FER: variants seen among roughly 807,000 people sequenced by gnomAD.
FER encodes FER tyrosine kinase.
Under a neutral mutation model 111.0 loss-of-function variants are expected in FER, and 63 were observed. The ratio of observed to expected loss-of-function variants is 0.57; its 90% CI spans 0.46 to 0.70. The LOEUF (loss-of-function observed/expected upper bound fraction) is 0.70. Ranked by LOEUF, FER falls within the 30% of genes least tolerant of loss-of-function variation. FER has a pLI of 0.00. For missense variants in FER, 914 were observed against 954.0 expected, an observed-to-expected ratio of 0.96 and a Z score of 0.55; for synonymous variants, 327 against 313.9, an observed-to-expected ratio of 1.04 and a Z score of -0.44.
At chr5:108,950,689 TGGAA>T (rs1247076814) in intron 11 of FER, among the ~76,000 whole-genome samples, 4 of 152,176 alleles carry the variant, frequency 2.6e-5, no homozygotes, top group Admixed American at 2.0e-4. Context: ...TTTAAAAAAC[TGGAA>T]GGGAGAACAT....
intron 11 of FER, among the ~76,000 whole-genome samples, chr5:108,946,917 C>T (rs1331966206): frequency 2.0e-5 from 3 of 152,004 alleles, no homozygotes; most frequent in African/African-American, 4.8e-5. Context: ...TTTACCTACA[C>T]TGGATATTTC....
Position 109,184,659 on chromosome 5 carries a change from T to C in FER, c.2204-1541T>C, listed in dbSNP as rs1175050210. On this transcript the variant is annotated intron_variant, in intron 18 of 19. Coordinates refer to ENST00000281092, the MANE Select transcript of FER (RefSeq NM_005246.4). ...GATTTTCATGAAAAGTATTAAATTATTGAATGCCAAGCATGAAATGATAGG... is the reference window on the plus strand; with the variant it reads ...GATTTTCATGAAAAGTATTAAATTACTGAATGCCAAGCATGAAATGATAGG... Among the ~76,000 whole-genome samples the C allele has an allele frequency of 3.9e-5, 6 of 152,204 alleles. No individual in the cohort carries two copies. The South Asian group carries it at 1.0e-3, about 26-fold the overall frequency.
At chr5:109,113,444 T>C (rs1357032891) in intron 17 of FER, among the ~76,000 whole-genome samples, 1 of 152,184 alleles carries the variant, frequency 6.6e-6, no homozygotes, top group East Asian at 1.9e-4. Context: ...TATTACTGGA[T>C]GAAAATGTCT....
At chr5:109,096,677 C>T (rs1582011217) in intron 16 of FER, among the ~76,000 whole-genome samples, 1 of 79,052 alleles carries the variant, frequency 1.3e-5, no homozygotes, top group African/African-American at 4.2e-5. Context: ...AAGATTTGTG[C>T]CTATTCCTGA....
chr5:109,028,437 T>G (rs1470338770), intron 13 of FER, among the ~76,000 whole-genome samples: 1 of 152,234 alleles, frequency 6.6e-6, no homozygotes, highest in Non-Finnish European at 1.5e-5. Flanking sequence ...GATTGCATCA[T>G]TATCTCTGAA....
chr5:109,041,041 G>T (rs1051076769), intron 14 of FER, among the ~76,000 whole-genome samples: 5 of 152,150 alleles, frequency 3.3e-5, no homozygotes, highest in Non-Finnish European at 5.9e-5. Context: ...GATTTGAGAA[G>T]AGAATAGAAG....
intron 17 of FER, among the ~76,000 whole-genome samples, chr5:109,167,709 T>C (rs1453211452): frequency 6.6e-6 from 1 of 152,182 alleles, no homozygotes; most frequent in Non-Finnish European, 1.5e-5. Context: ...AATGCAACTA[T>C]ATTGCTTGAT....
chr5:109,061,118 A>G (rs1291536070), intron 16 of FER, among the ~76,000 whole-genome samples: 2 of 152,130 alleles, frequency 1.3e-5, no homozygotes, highest in Non-Finnish European at 2.9e-5. Flanking sequence ...TTTAGCCTTT[A>G]TACGTGTCAT....
At chr5:108,871,588 A>C in intron 7 of FER, 86 bp downstream of exon 7, 1 of 965,148 alleles carries the variant, frequency 1.0e-6, no homozygotes, top group Non-Finnish European at 1.5e-6. Context: ...AAAATAAGAA[A>C]TACTTAAGAT....
intron 10 of FER, among the ~76,000 whole-genome samples, chr5:108,937,844 G>A (rs1212459303): frequency 1.3e-5 from 2 of 151,742 alleles, no homozygotes; most frequent in Non-Finnish European, 2.9e-5. Flanking sequence ...AGGAATGAGT[G>A]AGAGTAGAGA....
chr5:108,800,393 C>T (rs543481459), intron 3 of FER, among the ~76,000 whole-genome samples: 4 of 152,118 alleles, frequency 2.6e-5, no homozygotes, highest in South Asian at 4.2e-4. Context: ...CTCTGGCATC[C>T]AGGCTGGAGT....
intron 8 of FER, among the ~76,000 whole-genome samples, chr5:108,878,786 T>C (rs1180921563): frequency 3.3e-5 from 5 of 152,200 alleles, no homozygotes; most frequent in African/African-American, 1.2e-4. Flanking sequence ...ACATTTACTT[T>C]TGTTTATTGT....
chr5:108,954,979 G>T, intron 12 of FER, 47 bp downstream of exon 12: 1 of 1,465,416 alleles, frequency 6.8e-7, no homozygotes, highest in Non-Finnish European at 9.4e-7. Flanking sequence ...GTAGTTCATT[G>T]CGGTACAATT....
At chr5:108,777,446 C>A (rs1753614612) in intron 2 of FER, among the ~76,000 whole-genome samples, 1 of 152,158 alleles carries the variant, frequency 6.6e-6, no homozygotes, top group African/African-American at 2.4e-5. Context: ...CCCCCAAAGA[C>A]TGTAGTTTAC....
intron 15 of FER, among the ~76,000 whole-genome samples, chr5:109,045,530 A>G (rs547236916): frequency 6.6e-6 from 1 of 152,250 alleles, no homozygotes; most frequent in Admixed American, 6.5e-5. Context: ...AATCTAGTTT[A>G]TTTTTAGTTC....
At chr5:108,860,019 G>A (rs1201466475) in intron 5 of FER, among the ~76,000 whole-genome samples, 2 of 151,396 alleles carry the variant, frequency 1.3e-5, no homozygotes, top group African/African-American at 4.9e-5. Flanking sequence ...TCGGCTCACT[G>A]CAACCTCCAC....
intron 13 of FER, among the ~76,000 whole-genome samples, chr5:109,032,534 C>T (rs971468140): frequency 1.3e-5 from 2 of 152,148 alleles, no homozygotes; most frequent in African/African-American, 2.4e-5. Flanking sequence ...CAAACTAAGA[C>T]AGGGACAGTC....
intron 17 of FER, among the ~76,000 whole-genome samples, chr5:109,104,562 A>G (rs80078791): frequency 0.034 from 5,214 of 152,216 alleles, 147 homozygotes; most frequent in South Asian, 0.085. Flanking sequence ...GAGTAAGAAG[A>G]TTCCAACTGA....
At chr5:108,864,744 T>A (rs984224064) in intron 5 of FER, among the ~76,000 whole-genome samples, 8 of 152,340 alleles carry the variant, frequency 5.3e-5, no homozygotes, top group African/African-American at 1.9e-4. Flanking sequence ...AGTACCATGC[T>A]GTTTTGGTTA....
Sources: gnomAD v4.1 joint callset for allele counts (sites outside exome capture counted in the v4.1 genomes callset) on GRCh38, gnomAD v4.1.1 for gene constraint, MANE v1.5 for transcripts, NCBI Gene and HGNC (gene_info 2026-07-23, HGNC 2026-07-21) for gene names.